The following COPA variants were observed in gnomAD, a reference collection of about 807,000 sequenced individuals.
COPA encodes the protein coat protein complex I subunit alpha, also known as coatomer subunit alpha.
Under a neutral mutation model 158.7 loss-of-function variants are expected in COPA, and 10 were observed. The ratio of observed to expected loss-of-function variants is 0.06; its 90% CI spans 0.04 to 0.11. COPA has a LOEUF of 0.11. COPA is among the 10% of genes least tolerant of loss of function. The pLI, the probability that COPA is intolerant of heterozygous loss-of-function variation, is 1.00. For missense variants in COPA, 1,065 were observed against 1,536.7 expected, an observed-to-expected ratio of 0.69 and a Z score of 5.13; for synonymous variants, 462 against 542.8, an observed-to-expected ratio of 0.85 and a Z score of 2.07.
intron 27 of COPA, among the ~76,000 whole-genome samples, chr1:160,292,827 T>C (rs1335591163): frequency 6.6e-6 from 1 of 152,222 alleles, no homozygotes; most frequent in African/African-American, 2.4e-5. Flanking sequence ...TTAGCAGTTA[T>C]TGCAGTGTTA....
intron 21 of COPA, among the ~76,000 whole-genome samples, chr1:160,296,991 G>A (rs1465190817): frequency 6.6e-6 from 1 of 152,004 alleles, no homozygotes; most frequent in Non-Finnish European, 1.5e-5. Context: ...AATATCCCTT[G>A]ACTATATACA....
chr1:160,324,284 TC>T (rs1319013900), intron 7 of COPA, among the ~76,000 whole-genome samples: 2 of 149,802 alleles, frequency 1.3e-5, no homozygotes, highest in African/African-American at 2.5e-5. Context: ...TCTTCTTCAT[TC>T]TTTTTTTTTT....
intron 17 of COPA, among the ~76,000 whole-genome samples, chr1:160,304,404 G>A (rs200649808): frequency 2.6e-5 from 4 of 150,970 alleles, no homozygotes; most frequent in Admixed American, 6.6e-5. Flanking sequence ...GGTGGCTCAC[G>A]CCTGTAATCC....
chr1:160,292,286 C>T, intron 28 of COPA, 88 bp from the exon 29 acceptor site: 3 of 1,559,160 alleles, frequency 1.9e-6, no homozygotes, highest in South Asian at 1.2e-5. Context: ...CTCATAGCTA[C>T]CCTCCTGTCT....
At chr1:160,310,471 T>A in intron 11 of COPA, 1 of 355,296 alleles carries the variant, frequency 2.8e-6, no homozygotes, top group Non-Finnish European at 5.1e-6. Flanking sequence ...TTTTAAAAAG[T>A]AAGCCATAGT....
intron 6 of COPA, chr1:160,326,031 A>G (rs1176521928): frequency 5.8e-6 from 1 of 173,684 alleles, no homozygotes; most frequent in African/African-American, 2.4e-5. Context: ...GTAAACATTC[A>G]ATTTCTACTC....
Position 160,299,239 on chromosome 1 carries a change from C to T in COPA, c.1693G>A (p.Asp565Asn). 2 of 1,613,666 alleles carry T rather than the reference C, an allele frequency of 1.2e-6. No individual in the cohort carries two copies. The highest frequency in any genetic ancestry group is 2.2e-5 in the East Asian group (1 of 44,862). Residue 565 changes from aspartate (D) to asparagine (N), a missense_variant, in exon 18 of 33, where the codon GAT (aspartate) becomes AAT (asparagine). Transcript: ENST00000241704. ...ACCCGTGTGACATAGATGGGTAAATCCAGAGTTCGAATGATCCCGTGGTCC... is the reference window on the plus strand; with the variant it reads ...ACCCGTGTGACATAGATGGGTAAATTCAGAGTTCGAATGATCCCGTGGTCC... ...TGDHGIIRTL[D>N]LPIYVTRVKG...
At chr1:160,307,855 G>C (rs1455732331) in intron 13 of COPA, among the ~76,000 whole-genome samples, 20 of 152,156 alleles carry the variant, frequency 1.3e-4, no homozygotes, top group Admixed American at 1.3e-3. Context: ...CCATTCTCTG[G>C]GAAACTTGTA....
chr1:160,325,482 C>T, intron 7 of COPA, 61 bp downstream of exon 7: 1 of 1,340,482 alleles, frequency 7.5e-7, no homozygotes, highest in Non-Finnish European at 1.1e-6. Context: ...AAATGAACAA[C>T]ATACTGTGAC....
intron 17 of COPA, among the ~76,000 whole-genome samples, chr1:160,301,605 A>G (rs1015118643): frequency 1.3e-5 from 2 of 151,878 alleles, no homozygotes; most frequent in African/African-American, 2.4e-5. Context: ...AAACCCCATC[A>G]CTACAAAAAA....
chr1:160,300,376 T>C, intron 17 of COPA, among the ~76,000 whole-genome samples: 1 of 149,464 alleles, frequency 6.7e-6, no homozygotes, highest in East Asian at 2.0e-4. Flanking sequence ...AATAAATAAA[T>C]AAATAAATAA....
Position 160,293,469 on chromosome 1 carries a change from G to T in COPA, c.2677-6C>A. The stretch of plus-strand genomic sequence containing the variant: ...GCTGCCCCAGGGGATATATCCTAGG[G>T]GAAAAACAAAAATTGAGTATTGAGT... On this transcript the variant is annotated splice_polypyrimidine_tract_variant and splice_region_variant and intron_variant, in intron 25 of 32. Coordinates refer to ENST00000241704, the MANE Select transcript of COPA (RefSeq NM_004371.4). 1 of 1,570,962 alleles carries T rather than the reference G, an allele frequency of 6.4e-7. No homozygotes were observed. The highest frequency in any genetic ancestry group is 2.2e-5 in the East Asian group (1 of 44,452).
At chr1:160,337,093 A>G (rs1448693158) in intron 3 of COPA, among the ~76,000 whole-genome samples, 1 of 152,226 alleles carries the variant, frequency 6.6e-6, no homozygotes. Context: ...AGACCATACC[A>G]TAAACACTAT....
chr1:160,316,599 A>T (rs575610959), intron 8 of COPA, among the ~76,000 whole-genome samples: 142 of 151,074 alleles, frequency 9.4e-4, no homozygotes, highest in African/African-American at 3.4e-3. Flanking sequence ...AAAAATACAA[A>T]ATTAGCCGGG....
chr1:160,315,085 T>C (rs55784713), intron 8 of COPA, among the ~76,000 whole-genome samples: 5,028 of 152,158 alleles, frequency 0.033, 274 homozygotes, highest in African/African-American at 0.12. Flanking sequence ...AATATGACAA[T>C]GAGACAGTTC....
chr1:160,293,734 G>GATCT (rs1206450409), intron 25 of COPA, among the ~76,000 whole-genome samples: 1 of 151,992 alleles, frequency 6.6e-6, no homozygotes. Context: ...GAGTTCAAGT[G>GATCT]ATCTGCCTGG....
At chr1:160,331,949 GA>G (rs200037967) in intron 6 of COPA, among the ~76,000 whole-genome samples, 56 of 134,496 alleles carry the variant, frequency 4.2e-4, no homozygotes, top group South Asian at 4.6e-4. Flanking sequence ...CTCCCTCTCA[GA>G]AAAAAAAAAA....
intron 9 of COPA, 59 bp downstream of exon 9, chr1:160,313,931 A>G: frequency 6.8e-7 from 1 of 1,472,610 alleles, no homozygotes; most frequent in Admixed American, 2.2e-5. Flanking sequence ...GAAGTATTCC[A>G]ATCTAATTTT....
Position 160,323,440 on chromosome 1 carries a change from G to A in COPA, c.697C>T (p.Arg233Cys). 1.2e-6 allele frequency: 2 copies of A among 1,607,024 alleles called. No homozygotes were observed. The highest frequency in any genetic ancestry group is 1.7e-6 in the Non-Finnish European group (2 of 1,175,978). The change falls in exon 8 of 33, where the codon CGC (arginine) becomes TGC (cysteine). Residue 233 changes from arginine (R) to cysteine (C), a missense_variant. Arg to Cys is a radical substitution (Grantham distance 180, BLOSUM62 -3). Coordinates refer to ENST00000241704, the MANE Select transcript of COPA (RefSeq NM_004371.4). ...TAACCGGTTCACTCACCATTCATGC[G>A]CCAGATCTTCACTTGACGATCATCT... is the stretch of plus-strand genomic sequence containing the variant. Reference protein sequence around the residue: ...GADDRQVKIWRMNESKAWEVD... With the variant: ...GADDRQVKIWCMNESKAWEVD...
Sources: allele counts gnomAD v4.1 joint callset (sites outside exome capture counted in the v4.1 genomes callset), GRCh38; gene constraint gnomAD v4.1.1; transcripts MANE v1.5; gene names NCBI Gene and HGNC (gene_info 2026-07-23, HGNC 2026-07-21).